The following RAB27A variants were observed in gnomAD, a reference collection of about 807,000 sequenced individuals.
RAB27A encodes the protein RAB27A, member RAS oncogene family.
Under a neutral mutation model 20.8 loss-of-function variants are expected in RAB27A, and 17 were observed. The observed-to-expected ratio is 0.82, with a 90% CI of 0.56 to 1.23. The LOEUF is 1.23. RAB27A is among the 50% of genes most tolerant of loss of function. The probability of loss-of-function intolerance (pLI) is 0.00; values close to 1 mark genes in which losing one functional copy is unlikely to be tolerated. For synonymous variants in RAB27A, 85 were observed against 92.8 expected (o/e 0.92, Z 0.48); for missense variants, 277 against 266.7 (o/e 1.04, Z -0.27).
chr15:55,233,134 A>G (rs548786399), intron 3 of RAB27A, among the ~76,000 whole-genome samples: 134 of 152,164 alleles, frequency 8.8e-4, no homozygotes, highest in Admixed American at 1.8e-3. Flanking sequence ...CAAAAAGAAA[A>G]AAGAAAAAAA....
At chr15:55,308,559 G>C (rs1464283633) in intron 2 of RAB27A, among the ~76,000 whole-genome samples, 1 of 152,228 alleles carries the variant, frequency 6.6e-6, no homozygotes, top group Non-Finnish European at 1.5e-5. Context: ...CAGTATACAA[G>C]TTGAGGTCAG....
chr15:55,219,495 G>GCAA (rs1442519126), intron 6 of RAB27A, among the ~76,000 whole-genome samples: 1 of 152,190 alleles, frequency 6.6e-6, no homozygotes, highest in Non-Finnish European at 1.5e-5. Flanking sequence ...ACCAGCAGCA[G>GCAA]CAACATCTAG....
At chr15:55,209,636 A>T (rs1258963506) in intron 6 of RAB27A, among the ~76,000 whole-genome samples, 1 of 150,836 alleles carries the variant, frequency 6.6e-6, no homozygotes, top group African/African-American at 2.4e-5. Flanking sequence ...TATATCTGAT[A>T]TACATCTCTA....
intron 6 of RAB27A, among the ~76,000 whole-genome samples, chr15:55,210,150 T>TACATACACATAC (rs1894930367): frequency 9.1e-6 from 1 of 110,344 alleles, no homozygotes; most frequent in African/African-American, 4.5e-5. Context: ...TGTATGTGTA[T>TACATACACATAC]GTATACATAC....
intron 6 of RAB27A, among the ~76,000 whole-genome samples, chr15:55,223,571 A>G (rs1036110320): frequency 6.6e-6 from 1 of 151,992 alleles, no homozygotes; most frequent in Non-Finnish European, 1.5e-5. Flanking sequence ...GGATTTCTTT[A>G]CCCCAGGAGT....
At chr15:55,240,990 G>T (rs1005541939) in intron 2 of RAB27A, among the ~76,000 whole-genome samples, 1 of 152,196 alleles carries the variant, frequency 6.6e-6, no homozygotes, top group South Asian at 2.1e-4. Context: ...TGAGGACTGA[G>T]CTAGTGTATA....
intron 2 of RAB27A, among the ~76,000 whole-genome samples, chr15:55,253,319 T>C (rs58959556): frequency 0.056 from 8,456 of 150,920 alleles, 818 homozygotes; most frequent in African/African-American, 0.2. Flanking sequence ...CGGTGGCGGG[T>C]GCCTATAATT....
At chr15:55,246,604 G>T (rs1299495897) in intron 2 of RAB27A, among the ~76,000 whole-genome samples, 1 of 151,302 alleles carries the variant, frequency 6.6e-6, no homozygotes, top group Non-Finnish European at 1.5e-5. Flanking sequence ...CATAGATATA[G>T]GGTAATAGAA....
At chr15:55,288,499 C>T (rs534517509) in intron 1 of RAB27A, among the ~76,000 whole-genome samples, 7 of 151,612 alleles carry the variant, frequency 4.6e-5, no homozygotes, top group South Asian at 4.2e-4. Context: ...CCTACCTGGG[C>T]GACAGAGTGA....
chr15:55,289,225 A>G (rs1282917705), intron 1 of RAB27A: 1 of 152,420 alleles, frequency 6.6e-6, no homozygotes, highest in Non-Finnish European at 1.5e-5. Flanking sequence ...TCCCGACCGG[A>G]GGGCCTGGCT....
intron 4 of RAB27A, 95 bp downstream of exon 4, chr15:55,230,306 A>T: frequency 4.1e-6 from 5 of 1,224,048 alleles, no homozygotes; most frequent in Non-Finnish European, 6.0e-6. Context: ...AAACCAACGA[A>T]TTGGCTGGCT....
At chr15:55,239,074 C>T (rs564959377) in intron 2 of RAB27A, among the ~76,000 whole-genome samples, 11 of 152,282 alleles carry the variant, frequency 7.2e-5, no homozygotes, top group South Asian at 6.2e-4. Context: ...TAGGCTCTGA[C>T]TTGGACATGC....
At chr15:55,284,010 G>C (rs562572420) in intron 1 of RAB27A, among the ~76,000 whole-genome samples, 5 of 152,116 alleles carry the variant, frequency 3.3e-5, no homozygotes, top group African/African-American at 1.2e-4. Context: ...TTTCAGTCTC[G>C]TGGCAACCAA....
At position 55,252,906 on chromosome 15, in the gene RAB27A, G is replaced by A. The variant is rs539341608; in HGVS notation, c.-23+17259C>T. Among the ~76,000 whole-genome samples, 85 of 150,760 alleles carry A rather than the reference G, an allele frequency of 5.6e-4. No homozygotes were observed. The South Asian group carries it at 0.016, about 29-fold the overall frequency. ...TCCCAGCACTTTGGGAGGCCAAGGC[G>A]GGTGGATCACGAGGTCAAGAGATCG... On this transcript the variant is annotated intron_variant, in intron 2 of 6. Coordinates refer to ENST00000336787, the MANE Select transcript of RAB27A (RefSeq NM_183235.3).
At chr15:55,219,403 A>G (rs1170502387) in intron 6 of RAB27A, among the ~76,000 whole-genome samples, 1 of 152,248 alleles carries the variant, frequency 6.6e-6, no homozygotes, top group Non-Finnish European at 1.5e-5. Flanking sequence ...TGTCCAAAGA[A>G]AATATCTGCT....
intron 1 of RAB27A, among the ~76,000 whole-genome samples, chr15:55,318,700 TCAAAAAAAAAAA>T (rs2055087999): frequency 1.7e-5 from 2 of 121,184 alleles, no homozygotes; most frequent in Non-Finnish European, 3.2e-5. Flanking sequence ...AAACTCCGTC[TCAAAAAAAAAAA>T]CAAAAACAAA....
intron 1 of RAB27A, among the ~76,000 whole-genome samples, chr15:55,282,705 T>A (rs1245155047): frequency 1.3e-5 from 2 of 152,124 alleles, no homozygotes; most frequent in Non-Finnish European, 2.9e-5. Context: ...CCCCTGCTCA[T>A]GTGGCTTTCG....
At chr15:55,228,129 G>T (rs1031386567) in intron 5 of RAB27A, among the ~76,000 whole-genome samples, 1 of 152,182 alleles carries the variant, frequency 6.6e-6, no homozygotes, top group Non-Finnish European at 1.5e-5. Context: ...AACCCTAAAA[G>T]CTAGAAGGGG....
chr15:55,294,904 T>C (rs191290052), intron 2 of RAB27A, among the ~76,000 whole-genome samples: 20 of 152,144 alleles, frequency 1.3e-4, no homozygotes, highest in African/African-American at 4.1e-4. Context: ...AAACACAACC[T>C]ACAGAATGAG....
Sources: allele counts gnomAD v4.1 joint callset (sites outside exome capture counted in the v4.1 genomes callset), GRCh38; gene constraint gnomAD v4.1.1; transcripts MANE v1.5; gene names NCBI Gene and HGNC (gene_info 2026-07-23, HGNC 2026-07-21).